Variants in PRPF31 observed in about 807,000 individuals in gnomAD.
The protein encoded by PRPF31 is U4/U6 small nuclear ribonucleoprotein Prp31.
Under a neutral mutation model 60.4 loss-of-function variants are expected in PRPF31, and 12 were observed. The ratio of observed to expected loss-of-function variants is 0.20; its 90% CI spans 0.13 to 0.32. The LOEUF (loss-of-function observed/expected upper bound fraction) is 0.32, where lower values mean the gene tolerates loss of function less well. Ranked by LOEUF, PRPF31 falls within the 10% of genes least tolerant of loss-of-function variation. PRPF31 has a pLI of 1.00. For synonymous variants in PRPF31, 287 were observed against 287.9 expected, an observed-to-expected ratio of 1.00 and a Z score of 0.03; for missense variants, 431 against 687.1, an observed-to-expected ratio of 0.63 and a Z score of 4.17.
chr19:54,124,520 A>G lies in PRPF31; in HGVS notation c.719A>G (p.Asn240Ser). The G allele has an allele frequency of 1.9e-6, 3 of 1,607,668 alleles. No individual in the cohort carries two copies. Among genetic ancestry groups the G allele is most frequent in the South Asian group, 1.1e-5 (1 of 90,956 alleles). ...KIMGVAGGLT[N>S]LSKMPACNIM... ...GCAGGTGTGGCCGGCGGCCTGACCA[A>G]CCTCTCCAAGATGCCCGCCTGCAAC... Residue 240 changes from asparagine to serine, a missense_variant, in exon 8 of 14, where the codon AAC becomes AGC. Transcript: ENST00000321030.
At chr19:54,130,238 GCGCAGACAGC>G (rs2074019652) in intron 13 of PRPF31, among the ~76,000 whole-genome samples, 1 of 133,240 alleles carries the variant, frequency 7.5e-6, no homozygotes, top group African/African-American at 2.8e-5. Flanking sequence ...GCCAGGCTGG[GCGCAGACAGC>G]TCAGTAAGAT....
In PRPF31 at chr19:54,122,513, C is replaced by T; in HGVS notation, c.339C>T (p.Phe113=). 1 of 1,613,686 alleles carries T rather than the reference C, an allele frequency of 6.2e-7. No individual in the cohort carries two copies. Among genetic ancestry groups the T allele is most frequent in the Non-Finnish European group, 8.5e-7 (1 of 1,179,534 alleles). The change falls in exon 5 of 14, where the codon TTC becomes TTT. Residue 113 remains phenylalanine (F), a synonymous_variant. Transcript: ENST00000321030. ...TTACCCTAGACATCATCCATAAGTT[C>T]ATCCGGGATAAGTACTCAAAGAGAT... The part of the protein sequence containing the change: ...IENELNIIHK[F]IRDKYSKRFP...
intron 4 of PRPF31, 164 bp downstream of exon 4, chr19:54,122,107 C>T (rs1472925287): frequency 1.3e-5 from 10 of 779,318 alleles, no homozygotes; most frequent in African/African-American, 5.1e-5. Context: ...TGCGTTCTCT[C>T]GCGTATGAGT....
intron 5 of PRPF31, 147 bp from the exon 6 acceptor site, chr19:54,123,307 G>A: frequency 2.8e-6 from 2 of 725,442 alleles, no homozygotes; most frequent in Non-Finnish European, 5.0e-6. Context: ...GGATGCTTCA[G>A]GCGGTGGAGG....
chr19:54,116,940 T>G (rs1450675715), intron 1 of PRPF31, among the ~76,000 whole-genome samples: 3 of 151,824 alleles, frequency 2.0e-5, no homozygotes, highest in African/African-American at 7.3e-5. Flanking sequence ...ACAGAAAAAT[T>G]TAAAAATTAG....
At chr19:54,128,795 G>A (rs780600464) in intron 11 of PRPF31, among the ~76,000 whole-genome samples, 2 of 152,080 alleles carry the variant, frequency 1.3e-5, no homozygotes, top group African/African-American at 4.8e-5. Context: ...GACATCCCCC[G>A]ACCCACACGA....
At chr19:54,125,986 G>A (rs766030548) in intron 8 of PRPF31, among the ~76,000 whole-genome samples, 1 of 152,238 alleles carries the variant, frequency 6.6e-6, no homozygotes, top group Non-Finnish European at 1.5e-5. Flanking sequence ...GGCACAGGCC[G>A]TAGACACCAC....
chr19:54,128,310 G>A lies in PRPF31; in HGVS notation c.1079G>A (p.Arg360His). Residue 360 changes from arginine to histidine, a missense_variant, in exon 11 of 14, where the codon CGC (arginine) becomes CAC (histidine). Around this residue, in one of 4 missense-constraint regions of PRPF31, gnomAD observed 314 missense variants for 475.3 expected, o/e 0.66. Transcript: ENST00000321030. ...QRKKRGGRRY[R>H]KMKERLGLTE... ...GCCCACCCACCCGTCCCCAGGTACCGCAAGATGAAGGAGCGGCTGGGGCTG... is the reference window on the plus strand; with the variant it reads ...GCCCACCCACCCGTCCCCAGGTACCACAAGATGAAGGAGCGGCTGGGGCTG... 2.2e-6 allele frequency: 2 copies of A among 897,136 alleles called. No homozygotes were observed. The highest frequency in any genetic ancestry group is 3.1e-6 in the Non-Finnish European group (2 of 639,240). 55.6% of individuals were successfully genotyped at this position (897,136 alleles called of 1,614,324 possible).
At chr19:54,116,065 AC>A (rs758716318) in intron 1 of PRPF31, among the ~76,000 whole-genome samples, 3 of 139,708 alleles carry the variant, frequency 2.1e-5, no homozygotes, top group Non-Finnish European at 4.6e-5. Flanking sequence ...ACCACCCCTG[AC>A]TAATTTTTGT....
chr19:54,128,210 C>T lies in PRPF31; in HGVS notation c.1073+10C>T, dbSNP rs764181694. On this transcript the variant is annotated intron_variant, in intron 10 of 13. Transcript: ENST00000321030. ...AGCGAGGCGGCCGCAGGTGAGGGGC[C>T]CTGGGGGTCCGGTAGGCATGGGGGT... 1.9e-6 allele frequency: 3 copies of T among 1,570,092 alleles called. No individual in the cohort carries two copies. The highest frequency in any genetic ancestry group is 2.7e-5 in the African/African-American group (2 of 74,724).
At chr19:54,124,228 A>T in intron 7 of PRPF31, 1 of 640,506 alleles carries the variant, frequency 1.6e-6, no homozygotes, top group East Asian at 2.7e-5. Flanking sequence ...GAACGGCGTT[A>T]GTGTGGCTTA....
At chr19:54,116,215 T>G (rs587716572) in intron 1 of PRPF31, among the ~76,000 whole-genome samples, 1 of 149,734 alleles carries the variant, frequency 6.7e-6, no homozygotes, top group African/African-American at 2.5e-5. Flanking sequence ...GTTTGTTTGT[T>G]TTGTCTGAGA....
At chr19:54,117,040 A>G (rs993237824) in intron 1 of PRPF31, among the ~76,000 whole-genome samples, 32 of 152,118 alleles carry the variant, frequency 2.1e-4, no homozygotes, top group Non-Finnish European at 3.4e-4. Context: ...GGCTGCCGTG[A>G]GCTATGATGG....
At chr19:54,124,343 G>A (rs2073866943) in intron 7 of PRPF31, 156 bp from the exon 8 acceptor site, 1 of 777,586 alleles carries the variant, frequency 1.3e-6, no homozygotes, top group East Asian at 2.6e-5. Flanking sequence ...CTTGCGGAAT[G>A]GGCCAGGTCG....
chr19:54,124,424 C>T, intron 7 of PRPF31, 75 bp from the exon 8 acceptor site: 1 of 1,305,682 alleles, frequency 7.7e-7, no homozygotes, highest in Non-Finnish European at 1.1e-6. Flanking sequence ...CGTCGAGCCC[C>T]CAGGCAGATT....
intron 5 of PRPF31, 76 bp downstream of exon 5, chr19:54,122,670 A>G: frequency 8.2e-7 from 1 of 1,220,410 alleles, no homozygotes; most frequent in Non-Finnish European, 1.2e-6. Context: ...CCCCTCCCAG[A>G]GGCCTGAGGG....
intron 4 of PRPF31, 149 bp downstream of exon 4, chr19:54,122,092 G>A: frequency 1.2e-6 from 1 of 857,686 alleles, no homozygotes. Flanking sequence ...GAAATAAGAA[G>A]GAAGTGCGTT....
chr19:54,119,541 G>A (rs2073737738), intron 3 of PRPF31: 2 of 151,218 alleles, frequency 1.3e-5, no homozygotes, highest in African/African-American at 4.9e-5. Flanking sequence ...CTGTCGCCCA[G>A]GCTGGAGTGC....
intron 7 of PRPF31, chr19:54,124,287 C>T: frequency 1.6e-6 from 1 of 643,896 alleles, no homozygotes; most frequent in South Asian, 1.9e-5. Flanking sequence ...TCCCTGCACC[C>T]CCAGGCCAGC....
Sources: gnomAD v4.1 joint callset for allele counts (sites outside exome capture counted in the v4.1 genomes callset) on GRCh38, gnomAD v4.1.1 for gene constraint, gnomAD v4.1.1 regional missense constraint, MANE v1.5 for transcripts, NCBI Gene and HGNC (gene_info 2026-07-23, HGNC 2026-07-21) for gene names.